The following TPRG1 variants were observed in gnomAD, a reference collection of about 807,000 sequenced individuals.
TPRG1 encodes the protein tumor protein p63 regulated 1.
Under a neutral mutation model 29.3 loss-of-function variants are expected in TPRG1, and 29 were observed. That is an observed-to-expected ratio of 0.99 (90% CI 0.74 to 1.35). The LOEUF (loss-of-function observed/expected upper bound fraction) is 1.35, where lower values mean the gene tolerates loss of function less well. Among genes scored for constraint, TPRG1 ranks in the 40% most tolerant of loss-of-function variants. The pLI, the probability that TPRG1 is intolerant of heterozygous loss-of-function variation, is 0.00. For missense variants in TPRG1, 327 were observed against 335.0 expected (o/e 0.98, Z 0.19); for synonymous variants, 130 against 116.8 (o/e 1.11, Z -0.73).
At chr3:189,076,374 T>C (rs1419950407) in intron 4 of TPRG1, among the ~76,000 whole-genome samples, 1 of 152,206 alleles carries the variant, frequency 6.6e-6, no homozygotes, top group Non-Finnish European at 1.5e-5. Flanking sequence ...TTTTATCTTC[T>C]AAAACATTAA....
At position 189,114,351 on chromosome 3, in the gene TPRG1, C is replaced by T. The variant is rs978447588; in HGVS notation, c.-743-12706C>T. ...AAGCTGGAGTGCAGTGATGCGATCT[C>T]GGCTCACTGCAACCTCTGCCTCCCG... On this transcript the variant is annotated intron_variant, in intron 1 of 6. Transcript: ENST00000412373. Among the ~76,000 whole-genome samples the T allele has an allele frequency of 3.3e-5, 5 of 152,188 alleles. No homozygotes were observed. In the South Asian group the frequency reaches 1.0e-3, roughly 32 times the overall value.
chr3:189,314,860 C>T (rs1361565669), intron 5 of TPRG1, among the ~76,000 whole-genome samples: 1 of 152,102 alleles, frequency 6.6e-6, no homozygotes, highest in African/African-American at 2.4e-5. Context: ...TGGCCTATGC[C>T]TGTAGTCCCA....
intron 1 of TPRG1, among the ~76,000 whole-genome samples, chr3:189,177,747 A>G (rs1729684338): frequency 6.6e-6 from 1 of 152,168 alleles, no homozygotes; most frequent in Non-Finnish European, 1.5e-5. Context: ...TATCACCTAA[A>G]TCACTTAGAA....
chr3:189,217,457 AC>A (rs1359759814), intron 3 of TPRG1, among the ~76,000 whole-genome samples: 1 of 152,148 alleles, frequency 6.6e-6, no homozygotes, highest in African/African-American at 2.4e-5. Context: ...TTGCTTGCAG[AC>A]TTTCTTCCTT....
intron 4 of TPRG1, among the ~76,000 whole-genome samples, chr3:189,041,949 C>T (rs710518): frequency 0.85 from 128,688 of 152,036 alleles, 56,453 homozygotes; most frequent in Non-Finnish European, 0.95. Context: ...GAGCCTCACC[C>T]AATAATTTGG....
chr3:189,207,199 G>C (rs1734524534), intron 1 of TPRG1, 177 bp from the exon 2 acceptor site: 1 of 982,718 alleles, frequency 1.0e-6, no homozygotes, highest in African/African-American at 1.8e-5. Flanking sequence ...GATTGTGGAT[G>C]GTATTTAGAA....
intron 3 of TPRG1, among the ~76,000 whole-genome samples, chr3:189,145,885 T>C (rs9851628): frequency 0.33 from 50,005 of 152,052 alleles, 8,558 homozygotes; most frequent in Admixed American, 0.45. Context: ...TAATTATCTG[T>C]GTGTGCTTGA....
chr3:189,113,858 T>A (rs1043961511), intron 1 of TPRG1, among the ~76,000 whole-genome samples: 1 of 151,958 alleles, frequency 6.6e-6, no homozygotes, highest in Non-Finnish European at 1.5e-5. Flanking sequence ...GCATGGCACA[T>A]GTATACATAT....
At chr3:189,184,726 T>C (rs1015722705) in intron 1 of TPRG1, among the ~76,000 whole-genome samples, 3 of 152,218 alleles carry the variant, frequency 2.0e-5, no homozygotes, top group Non-Finnish European at 2.9e-5. Context: ...TATCCTGCAG[T>C]TGGCAATGTT....
At chr3:189,025,624 T>A (rs1181206795) in intron 4 of TPRG1, among the ~76,000 whole-genome samples, 1 of 152,168 alleles carries the variant, frequency 6.6e-6, no homozygotes, top group Non-Finnish European at 1.5e-5. Flanking sequence ...TTGTGTGTGG[T>A]ATGATAGTGT....
chr3:189,078,111 T>C (rs906152324), intron 4 of TPRG1, among the ~76,000 whole-genome samples: 51 of 144,160 alleles, frequency 3.5e-4, no homozygotes, highest in East Asian at 2.2e-3. Context: ...CTTTCTTTCT[T>C]TCTTTCTTTC....
chr3:189,158,319 T>G (rs1337516243), intron 5 of TPRG1, among the ~76,000 whole-genome samples: 2 of 152,138 alleles, frequency 1.3e-5, no homozygotes, highest in Admixed American at 6.5e-5. Flanking sequence ...TTTAAAAACT[T>G]GCAGTGGGGC....
At chr3:189,250,502 C>T (rs1383252939) in intron 4 of TPRG1, among the ~76,000 whole-genome samples, 4 of 36,182 alleles carry the variant, frequency 1.1e-4, no homozygotes, top group Non-Finnish European at 1.7e-4. Flanking sequence ...GTTCTGATTT[C>T]CGCCCCCCCC....
chr3:189,060,479 A>C (rs990745065), intron 4 of TPRG1, among the ~76,000 whole-genome samples: 1 of 152,150 alleles, frequency 6.6e-6, no homozygotes. Flanking sequence ...ACAGCATCCA[A>C]ATTGGAAGAG....
At chr3:189,208,433 G>A (rs1055850228) in intron 2 of TPRG1, among the ~76,000 whole-genome samples, 1 of 152,098 alleles carries the variant, frequency 6.6e-6, no homozygotes, top group East Asian at 1.9e-4. Context: ...GAAAAAAAAT[G>A]TATTTCAACT....
intron 4 of TPRG1, among the ~76,000 whole-genome samples, chr3:189,294,045 A>G (rs1719463573): frequency 6.6e-6 from 1 of 152,194 alleles, no homozygotes; most frequent in Non-Finnish European, 1.5e-5. Context: ...GCTACACTGG[A>G]ACATTCAACA....
intron 4 of TPRG1, among the ~76,000 whole-genome samples, chr3:189,046,543 G>A (rs1714988880): frequency 6.6e-6 from 1 of 152,070 alleles, no homozygotes; most frequent in Non-Finnish European, 1.5e-5. Flanking sequence ...CAGTGAAAGG[G>A]GAATGATTCA....
At chr3:189,197,131 T>C (rs1732673586) in intron 1 of TPRG1, among the ~76,000 whole-genome samples, 1 of 152,232 alleles carries the variant, frequency 6.6e-6, no homozygotes, top group South Asian at 2.1e-4. Flanking sequence ...CTTGCTTTAA[T>C]GTGTAGGCAT....
chr3:189,145,429 A>G (rs2108582044), intron 3 of TPRG1, among the ~76,000 whole-genome samples: 1 of 152,042 alleles, frequency 6.6e-6, no homozygotes, highest in South Asian at 2.1e-4. Flanking sequence ...GAGATGGCGT[A>G]ATATAGTAAG....
Sources: allele counts gnomAD v4.1 joint callset (sites outside exome capture counted in the v4.1 genomes callset), GRCh38; gene constraint gnomAD v4.1.1; transcripts MANE v1.5; gene names NCBI Gene and HGNC (gene_info 2026-07-23, HGNC 2026-07-21).